SIRT3: variants seen among roughly 807,000 people sequenced by gnomAD.
SIRT3 encodes NAD-dependent protein deacetylase sirtuin-3, mitochondrial.
SIRT3 carries 26 observed loss-of-function variants against 33.5 expected under a neutral mutation model. That is an observed-to-expected ratio of 0.78 (90% confidence interval 0.57 to 1.08). The LOEUF (loss-of-function observed/expected upper bound fraction) is 1.08, where lower values mean the gene tolerates loss of function less well. Among genes scored for constraint, SIRT3 ranks in the 50% least tolerant of loss-of-function variants. SIRT3 has a pLI of 0.00. For synonymous variants in SIRT3, 237 were observed against 222.1 expected (o/e 1.07, Z -0.60); for missense variants, 585 against 530.1 (o/e 1.10, Z -1.02).
chr11:217,979 C>T (rs1053851385), intron 6 of SIRT3, among the ~76,000 whole-genome samples: 3 of 152,170 alleles, frequency 2.0e-5, no homozygotes. Context: ...GGGCAGTTCC[C>T]CCGCACACGT....
chr11:215,626 A>C lies in SIRT3; in HGVS notation c.*1072T>G, dbSNP rs17155830. ...AGTGCTTTTGTCTGGGGAAACACGC[A>C]GGTAATGTGATGCTAGGAAGGAGGA... On this transcript the variant is annotated 3_prime_UTR_variant, in exon 7 of 7. Transcript: ENST00000382743. 1 of 152,270 alleles carries C rather than the reference A, an allele frequency of 6.6e-6. No individual in the cohort carries two copies. The highest frequency in any genetic ancestry group is 1.5e-5 in the Non-Finnish European group (1 of 68,150). The allele number at this position is 152,270 out of a possible 1,614,324, so 9.4% of individuals were successfully genotyped here.
At position 218,606 on chromosome 11, in the gene SIRT3, C is replaced by A. The variant is rs571145272; in HGVS notation, c.1179+226G>T. The stretch of plus-strand genomic sequence containing the variant: ...ATACAGACTCATCAGCCCTGAGTGT[C>A]TGGACCGTGTCCCTGCTTGGCCTGT... On this transcript the variant is annotated intron_variant, in intron 6 of 6. Transcript: ENST00000382743. Among the ~76,000 whole-genome samples, 7 of 152,328 alleles carry A rather than the reference C, an allele frequency of 4.6e-5. No homozygotes were observed. In the East Asian group the frequency reaches 1.3e-3, roughly 29 times the overall value.
chr11:231,954 G>A (rs964666519), intron 3 of SIRT3, among the ~76,000 whole-genome samples: 1 of 127,036 alleles, frequency 7.9e-6, no homozygotes, highest in Admixed American at 7.8e-5. Flanking sequence ...GCTTCCGTTA[G>A]GTGCACGGCC....
At position 223,148 on chromosome 11, in the gene SIRT3, C is replaced by T. The variant is rs985016581; in HGVS notation, c.969+930G>A. The T allele has an allele frequency of 1.3e-5, 2 of 156,520 alleles. No homozygotes were observed. Among genetic ancestry groups the T allele is most frequent in the African/African-American group, 2.4e-5 (1 of 41,472 alleles). 9.7% of individuals were successfully genotyped at this position (156,520 alleles called of 1,614,324 possible). A position where few individuals can be genotyped will look rare whatever the true frequency, so the allele number is the denominator to read the frequency against. ...CGGTGCCTACATCCAGTCACGCACACACTGACTTCATGGTCTCATTTCTTG... is the reference window on the plus strand; with the variant it reads ...CGGTGCCTACATCCAGTCACGCACATACTGACTTCATGGTCTCATTTCTTG... On this transcript the variant is annotated intron_variant, in intron 5 of 6. Coordinates refer to ENST00000382743, the MANE Select transcript of SIRT3 (RefSeq NM_012239.6). The surrounding 1 kb of genome is among the most constrained non-coding windows in gnomAD (Gnocchi z 4.8).
At chr11:227,634 AT>A (rs933606779) in intron 4 of SIRT3, among the ~76,000 whole-genome samples, 39 of 151,930 alleles carry the variant, frequency 2.6e-4, no homozygotes, top group Admixed American at 2.5e-3. Context: ...TTATTTATTT[AT>A]TTTGTTTTGA....
At chr11:220,330 C>CAAAAAAA (rs55855156) in intron 5 of SIRT3, among the ~76,000 whole-genome samples, 4 of 87,018 alleles carry the variant, frequency 4.6e-5, no homozygotes, top group Non-Finnish European at 9.3e-5. Flanking sequence ...GACTCTGTCT[C>CAAAAAAA]AAAAAAAAAA....
intron 1 of SIRT3, 116 bp from the exon 2 acceptor site, chr11:233,650 G>T: frequency 2.2e-6 from 2 of 902,172 alleles, no homozygotes; most frequent in Non-Finnish European, 3.4e-6. Flanking sequence ...GAGCATGTGT[G>T]TCTCCCCAGG....
chr11:218,635 C>T (rs1188410546), intron 6 of SIRT3, 197 bp downstream of exon 6: 7 of 1,005,318 alleles, frequency 7.0e-6, no homozygotes, highest in East Asian at 2.6e-5. Context: ...GGCCTGTTAG[C>T]ATCTGTTTCC....
chr11:236,192 A>C lies in SIRT3; in HGVS notation c.137T>G (p.Val46Gly). 1 of 1,561,742 alleles carries C rather than the reference A, an allele frequency of 6.4e-7. No homozygotes were observed. Among genetic ancestry groups the C allele is most frequent in the Non-Finnish European group, 8.6e-7 (1 of 1,156,700 alleles). ...CRLVLGGRDDVSAGLRGSHGA... is the reference protein window; with the variant it reads ...CRLVLGGRDDGSAGLRGSHGA... ...ATGGCTGCCTCTCAGCCCCGCACTCACATCGTCCCTGCCGCCAAGCACCAG... is the reference window on the plus strand; with the variant it reads ...ATGGCTGCCTCTCAGCCCCGCACTCCCATCGTCCCTGCCGCCAAGCACCAG... Residue 46 changes from valine to glycine, a missense_variant, in exon 1 of 7, where the codon GTG becomes GGG. By Grantham distance (109) the Val-to-Gly change is moderately radical (BLOSUM62 -3). Coordinates refer to ENST00000382743, the MANE Select transcript of SIRT3 (RefSeq NM_012239.6).
In SIRT3 at chr11:236,107, C is replaced by T; in HGVS notation, c.222G>A (p.Glu74=). 6.3e-7 allele frequency: 1 copy of T among 1,580,060 alleles called. No homozygotes were observed. Among genetic ancestry groups the T allele is most frequent in the Non-Finnish European group, 8.6e-7 (1 of 1,164,010 alleles). Residue 74 remains glutamate (E), a synonymous_variant, in exon 1 of 7, where the codon GAG becomes GAA. Transcript: ENST00000382743. ...GCTGCCTCCGGAATGCCCTGGGCAC[C>T]TCGGGTCTGGGAGGCCTCTGCAAGG... ...ARPLQRPPRP[E]VPRAFRRQPR... is the part of the protein sequence containing the mutation.
intron 1 of SIRT3, among the ~76,000 whole-genome samples, 179 bp downstream of exon 1, chr11:235,869 A>T (rs1858969305): frequency 6.6e-6 from 1 of 152,226 alleles, no homozygotes; most frequent in Non-Finnish European, 1.5e-5. Flanking sequence ...GGGAATGGTG[A>T]AATAAACGAC....
At chr11:231,444 A>G (rs114765473) in intron 3 of SIRT3, among the ~76,000 whole-genome samples, 1,899 of 152,318 alleles carry the variant, frequency 0.012, 43 homozygotes, top group African/African-American at 0.042. Flanking sequence ...TCAAAAATTT[A>G]TATCTAATAT....
chr11:226,681 T>G (rs2133879791), intron 4 of SIRT3, among the ~76,000 whole-genome samples: 1 of 152,082 alleles, frequency 6.6e-6, no homozygotes, highest in Non-Finnish European at 1.5e-5. Context: ...GTACTGGGAT[T>G]ACAGGCAGGA....
At chr11:226,477 C>T (rs12785308) in intron 4 of SIRT3, among the ~76,000 whole-genome samples, 23,749 of 152,098 alleles carry the variant, frequency 0.16, 2,342 homozygotes, top group Middle Eastern at 0.22. Flanking sequence ...GGCATGATCT[C>T]GGTTCACTAC....
At chr11:236,393 CCTCCCA>C (rs1859151743), upstream of SIRT3, 14 of 1,128,306 alleles carry the variant, frequency 1.2e-5, no homozygotes, top group East Asian at 5.2e-4. Flanking sequence ...CCCGCCTCCG[CCTCCCA>C]CCCCCGCCCC....
chr11:217,389 C>T (rs1030633552), intron 6 of SIRT3, among the ~76,000 whole-genome samples: 3 of 152,218 alleles, frequency 2.0e-5, no homozygotes, highest in African/African-American at 7.2e-5. Flanking sequence ...GGCAGGGCTG[C>T]AGTGAGCCAA....
chr11:234,402 ATTTTTGT>A (rs771346901), intron 1 of SIRT3, among the ~76,000 whole-genome samples: 7 of 45,664 alleles, frequency 1.5e-4, no homozygotes, highest in Non-Finnish European at 3.1e-4. Flanking sequence ...GGTAGCAAGG[ATTTTTGT>A]TTTGTTTTGT....
Position 232,971 on chromosome 11 carries a change from C to CA in SIRT3, c.706+11dup. The CA allele has an allele frequency of 1.2e-6, 2 of 1,611,332 alleles. No homozygotes were observed. The highest frequency in any genetic ancestry group is 1.1e-5 in the South Asian group (1 of 90,988). ...GGAGAAAAAGAATGTGTGCGACTCACAGAGGGCTCACCTCTCTCAAGCCCA... is the reference window on the plus strand; with the variant it reads ...GGAGAAAAAGAATGTGTGCGACTCACAAGAGGGCTCACCTCTCTCAAGCCCA... On this transcript the variant is annotated intron_variant, in intron 3 of 6. Transcript: ENST00000382743.
At position 224,165 on chromosome 11, in the gene SIRT3, A is replaced by G. The variant is rs199967856; in HGVS notation, c.882T>C (p.Phe294=). ...AGAACCTCTGGGGCAGCGGCTCCCC[A>G]AAGAACACAATGTCGGGCTTCACAA... ...TGVVKPDIVF[F]GEPLPQRFLL... The change falls in exon 5 of 7, where the codon TTT becomes TTC. Residue 294 remains phenylalanine, a synonymous_variant. Coordinates refer to ENST00000382743, the MANE Select transcript of SIRT3 (RefSeq NM_012239.6). 48 of 1,614,060 alleles carry G rather than the reference A, an allele frequency of 3.0e-5. No individual in the cohort carries two copies. Among genetic ancestry groups the G allele is most frequent in the Non-Finnish European group, 3.7e-5 (44 of 1,180,042 alleles).
Sources: gnomAD v4.1 joint callset for allele counts (sites outside exome capture counted in the v4.1 genomes callset) on GRCh38, gnomAD v4.1.1 for gene constraint, Gnocchi (gnomAD v3.1) non-coding constraint, MANE v1.5 for transcripts, NCBI Gene and HGNC (gene_info 2026-07-23, HGNC 2026-07-21) for gene names.